DNAH5: variants seen among roughly 807,000 people sequenced by gnomAD.
The protein encoded by DNAH5 is axonemal beta dynein heavy chain 5.
In DNAH5, 372 loss-of-function variants were observed where a neutral mutation model predicts 518.2. That is an observed-to-expected ratio of 0.72 (90% CI 0.66 to 0.78). The LOEUF is 0.78. DNAH5 is among the 30% of genes least tolerant of loss of function. The probability of loss-of-function intolerance (pLI) is 0.00; values close to 1 mark genes in which losing one functional copy is unlikely to be tolerated. For synonymous variants in DNAH5, 2,039 were observed against 2,025.9 expected (o/e 1.01, Z -0.17); for missense variants, 5,523 against 5,687.0 (o/e 0.97, Z 0.93).
intron 66 of DNAH5, 39 bp downstream of exon 66, chr5:13,737,213 C>A (rs781449309): frequency 1.2e-6 from 2 of 1,613,182 alleles, no homozygotes; most frequent in African/African-American, 2.7e-5. Context: ...TCTCTCATTT[C>A]ATTTTCCTGT....
chr5:13,873,789 C>A (rs114661943), intron 22 of DNAH5, among the ~76,000 whole-genome samples: 1 of 152,184 alleles, frequency 6.6e-6, no homozygotes, highest in South Asian at 2.1e-4. Flanking sequence ...ACATGAGCCA[C>A]GGCGCCTAGC....
chr5:13,990,477 C>G (rs1301488903), intron 1 of DNAH5, among the ~76,000 whole-genome samples: 1 of 151,644 alleles, frequency 6.6e-6, no homozygotes, highest in Non-Finnish European at 1.5e-5. Flanking sequence ...GGCGTGAACC[C>G]GGGAGGCAGA....
chr5:14,001,036 A>G (rs555751425), intron 1 of DNAH5, among the ~76,000 whole-genome samples: 71 of 152,334 alleles, frequency 4.7e-4, no homozygotes, highest in African/African-American at 1.7e-3. Flanking sequence ...GCAAACTAAC[A>G]CAGAACAGAA....
In DNAH5 at chr5:13,867,924, T is replaced by C. The variant is rs1769518336; in HGVS notation, c.3903A>G (p.Thr1301=). The part of the protein sequence containing the change: ...IAREEIDKVD[T]LHYAWEKLLA... ...GCAGCTTCTCCCAAGCATAGTGCAG[T>C]GTATCAACTTTGTCTATCTCTTCCC... is the stretch of plus-strand genomic sequence containing the variant. The change falls in exon 25 of 79, where the codon ACA becomes ACG. Residue 1301 remains threonine, a synonymous_variant. Transcript: ENST00000265104. 1.9e-6 allele frequency: 3 copies of C among 1,614,114 alleles called. No homozygotes were observed. Among genetic ancestry groups the C allele is most frequent in the Admixed American group, 1.7e-5 (1 of 60,002 alleles).
chr5:13,944,099 T>C (rs1779707695), intron 1 of DNAH5, among the ~76,000 whole-genome samples: 1 of 152,208 alleles, frequency 6.6e-6, no homozygotes, highest in Non-Finnish European at 1.5e-5. Flanking sequence ...ACTATGAATG[T>C]GTTTTTGACC....
chr5:13,812,264 A>G (rs1760818676), intron 43 of DNAH5, among the ~76,000 whole-genome samples: 1 of 152,224 alleles, frequency 6.6e-6, no homozygotes, highest in South Asian at 2.1e-4. Context: ...TCAGGGGGGA[A>G]AAGTAAAGAA....
At position 13,718,948 on chromosome 5, in the gene DNAH5, T is replaced by G; in HGVS notation, c.12433A>C (p.Met4145Leu). 1 of 1,614,152 alleles carries G rather than the reference T, an allele frequency of 6.2e-7. No individual in the cohort carries two copies. The highest frequency in any genetic ancestry group is 8.5e-7 in the Non-Finnish European group (1 of 1,180,006). Residue 4145 changes from methionine to leucine, a missense_variant, in exon 72 of 79, where the codon ATG (methionine) becomes CTG (leucine). This residue lies in a region of DNAH5 where 5,121 missense variants were observed against 5,223.3 expected (regional missense o/e 0.98). Transcript: ENST00000265104. ...HKQFPITLLQ[M>L]SIKFANDPPQ... ...GGATCGTTGGCAAATTTAATGGACA[T>G]CTGAAGGAGTGTAATGGGAAACTGC...
intron 1 of DNAH5, among the ~76,000 whole-genome samples, chr5:14,010,070 T>C (rs999015392): frequency 1.3e-5 from 2 of 152,214 alleles, no homozygotes; most frequent in African/African-American, 4.8e-5. Context: ...TCTATAGATA[T>C]TTATATACCG....
intron 65 of DNAH5, among the ~76,000 whole-genome samples, chr5:13,745,329 C>A (rs1333570809): frequency 6.6e-6 from 1 of 152,032 alleles, no homozygotes; most frequent in Non-Finnish European, 1.5e-5. Context: ...CTCACAGGTG[C>A]ATCAGATAAA....
At chr5:13,863,829 A>T (rs116114944) in intron 28 of DNAH5, among the ~76,000 whole-genome samples, 2,093 of 152,224 alleles carry the variant, frequency 0.014, 46 homozygotes, top group African/African-American at 0.046. Flanking sequence ...CGATAACATC[A>T]TGTAGGCCCA....
At chr5:13,743,741 T>C (rs1189557592) in intron 65 of DNAH5, among the ~76,000 whole-genome samples, 1 of 151,760 alleles carries the variant, frequency 6.6e-6, no homozygotes, top group Non-Finnish European at 1.5e-5. Flanking sequence ...GAAATGCAAA[T>C]CAAAACCAAA....
chr5:13,690,820 T>C lies in DNAH5; in HGVS notation c.*1164A>G, dbSNP rs1740622782. The C allele has an allele frequency of 6.6e-6, 1 of 152,248 alleles. No individual in the cohort carries two copies. Among genetic ancestry groups the C allele is most frequent in the Non-Finnish European group, 1.5e-5 (1 of 68,042 alleles). 9.4% of individuals were successfully genotyped at this position (152,248 alleles called of 1,614,324 possible). The stretch of plus-strand genomic sequence containing the variant: ...TTAATAAAAGTCCATAGAAAGTCCC[T>C]ACGCACCGTCTAATATTTCTACCCT... On this transcript the variant is annotated 3_prime_UTR_variant, in exon 79 of 79. Transcript: ENST00000265104.
intron 35 of DNAH5, among the ~76,000 whole-genome samples, chr5:13,838,328 C>A (rs1321609937): frequency 6.6e-6 from 1 of 152,280 alleles, no homozygotes; most frequent in African/African-American, 2.4e-5. Flanking sequence ...CTGTTAGGAA[C>A]CGGGCCACAC....
Position 13,891,114 on chromosome 5 carries a change from C to T in DNAH5, c.2439G>A (p.Leu813=), listed in dbSNP as rs1580766906. 3 of 1,614,044 alleles carry T rather than the reference C, an allele frequency of 1.9e-6. No homozygotes were observed. Among genetic ancestry groups the T allele is most frequent in the Non-Finnish European group, 2.5e-6 (3 of 1,179,996 alleles). The change falls in exon 17 of 79, where the codon CTG becomes CTA. Residue 813 remains leucine, a synonymous_variant. Coordinates refer to ENST00000265104, the MANE Select transcript of DNAH5 (RefSeq NM_001369.3). The stretch of plus-strand genomic sequence containing the variant: ...CATTGACCCTGTCAAGCAGCAACTC[C>T]AGGTCCTCTTTGGGAAAAAATAAAA... ...LENTFAKIKD[L]ELLLDRVNDL...
chr5:13,735,168 G>A lies in DNAH5; in HGVS notation c.11724C>T (p.Asn3908=), dbSNP rs1747199378. ...TGAGAAACTCTTCATGCTTGACTCG[G>A]TTCCTCTGGATGTCAATCTTTAGGG... The part of the protein sequence containing the change: ...LLTLKIDIQR[N]RVKHEEFLTL... Residue 3908 remains asparagine, a synonymous_variant, in exon 68 of 79, where the codon AAC becomes AAT. Coordinates refer to ENST00000265104, the MANE Select transcript of DNAH5 (RefSeq NM_001369.3). The A allele has an allele frequency of 3.1e-6, 5 of 1,613,982 alleles. No individual in the cohort carries two copies. Among genetic ancestry groups the A allele is most frequent in the Non-Finnish European group, 3.4e-6 (4 of 1,179,976 alleles).
rs1165328631 is a variant in DNAH5, at chr5:13,944,663, CCT to C, written c.-227_-226del. The C allele has an allele frequency of 5.3e-6, 3 of 567,874 alleles. No individual in the cohort carries two copies. Among genetic ancestry groups the C allele is most frequent in the Non-Finnish European group, 9.5e-6 (3 of 316,080 alleles). The allele number at this position is 567,874 out of a possible 1,614,324, so 35.2% of individuals were successfully genotyped here. A position where few individuals can be genotyped will look rare whatever the true frequency, so the allele number is the denominator to read the frequency against. On this transcript the variant is annotated 5_prime_UTR_variant, in exon 1 of 79. Transcript: ENST00000265104. ...CCTAGAGTGTCTGCCCTGGGCCTCTCCTCTCTCTCGAAGCCTGGTGTTGTTAG... is the reference window on the plus strand; with the variant it reads ...CCTAGAGTGTCTGCCCTGGGCCTCTCCTCTCTCGAAGCCTGGTGTTGTTAG...
At position 13,840,991 on chromosome 5, in the gene DNAH5, G is replaced by T. The variant is rs141131693; in HGVS notation, c.5624C>A (p.Thr1875Lys). The T allele has an allele frequency of 3.1e-6, 5 of 1,614,114 alleles. No individual in the cohort carries two copies. The highest frequency in any genetic ancestry group is 3.4e-6 in the Non-Finnish European group (4 of 1,179,994). ...TCGTTCCGTGGAACTCAGATCCCTCGTGGTGACGTCTATCAATGTATTGAG... is the reference window on the plus strand; with the variant it reads ...TCGTTCCGTGGAACTCAGATCCCTCTTGGTGACGTCTATCAATGTATTGAG... Reference protein sequence around the residue: ...ELLNTLIDVTTRDLSSTERVK... With the variant: ...ELLNTLIDVTKRDLSSTERVK... Residue 1875 changes from threonine to lysine, a missense_variant, in exon 34 of 79, where the codon ACG becomes AAG. This residue lies in a region of DNAH5 where 5,121 missense variants were observed against 5,223.3 expected (regional missense o/e 0.98). Transcript: ENST00000265104.
In DNAH5 at chr5:13,729,557, C is replaced by A; in HGVS notation, c.11765G>T (p.Gly3922Val). Residue 3922 changes from glycine (G) to valine (V), a missense_variant, in exon 69 of 79, where the codon GGT becomes GTT. Transcript: ENST00000265104. ...ACAAGCTTTAAGGTCTAATGAGGCA[C>A]CTCCTTTAAAATTAAATATTAAATT... ...HEEFLTLIKG[G>V]ASLDLKACPP... 1.9e-6 allele frequency: 3 copies of A among 1,611,144 alleles called. No homozygotes were observed. The highest frequency in any genetic ancestry group is 2.5e-6 in the Non-Finnish European group (3 of 1,178,128).
chr5:13,805,526 C>T (rs1180238955), intron 47 of DNAH5, among the ~76,000 whole-genome samples: 2 of 151,796 alleles, frequency 1.3e-5, no homozygotes, highest in Non-Finnish European at 2.9e-5. Flanking sequence ...GAGTCTCGTC[C>T]TATGGCCAAT....
Sources: gnomAD v4.1 joint callset for allele counts (sites outside exome capture counted in the v4.1 genomes callset) on GRCh38, gnomAD v4.1.1 for gene constraint, gnomAD v4.1.1 regional missense constraint, MANE v1.5 for transcripts, NCBI Gene and HGNC (gene_info 2026-07-23, HGNC 2026-07-21) for gene names.